Variants in SRCAP observed in about 807,000 individuals in gnomAD.
SRCAP encodes the protein Snf2 related CREBBP activator protein.
In SRCAP, 46 loss-of-function variants were observed where a neutral mutation model predicts 263.1. That is an observed-to-expected ratio of 0.17 (90% CI 0.14 to 0.22). SRCAP has a LOEUF of 0.22. Ranked by LOEUF, SRCAP falls within the 10% of genes least tolerant of loss-of-function variation. SRCAP has a pLI of 1.00. For synonymous variants in SRCAP, 1,813 were observed against 1,662.1 expected (o/e 1.09, Z -2.21); for missense variants, 3,695 against 4,181.9 (o/e 0.88, Z 3.21).
Position 30,739,503 on chromosome 16 carries a change from GGCCGCCT to G in SRCAP, c.9464_9470del (p.Gly3155AspfsTer13), listed in dbSNP as rs765112347. Reference sequence around the variant, plus strand: ...TGGGAGTCCTGGGCTGGCAAAGCGGGGCCGCCTACAGCCCCCAAGTCCCCTGGGGCCT... The same window carrying G: ...TGGGAGTCCTGGGCTGGCAAAGCGGGACAGCCCCCAAGTCCCCTGGGGCCT... On this transcript the variant is annotated frameshift_variant, in exon 34 of 34. Transcript: ENST00000262518. The G allele has an allele frequency of 6.2e-7, 1 of 1,613,390 alleles. No individual in the cohort carries two copies. The highest frequency in any genetic ancestry group is 8.5e-7 in the Non-Finnish European group (1 of 1,179,782).
chr16:30,716,550 T>C (rs1176262384), intron 18 of SRCAP, 71 bp downstream of exon 18: 2 of 1,427,752 alleles, frequency 1.4e-6, no homozygotes, highest in African/African-American at 1.4e-5. Flanking sequence ...CTCTTTTCGT[T>C]AGACTGGGGT....
In SRCAP at chr16:30,707,591, G is replaced by A; in HGVS notation, c.512G>A (p.Arg171Gln). ...CCACAGGTGGTGCGCATGGTGATCC[G>A]GCACCACGAGGAGCAGCGGCAGAAA... ...VARKVVRMVI[R>Q]HHEEQRQKEE... The change falls in exon 6 of 34, where the codon CGG becomes CAG. Residue 171 changes from arginine to glutamine, a missense_variant. Arg to Gln is a conservative substitution (Grantham distance 43, BLOSUM62 1). This residue lies in a region of SRCAP where 107 missense variants were observed against 223.8 expected (regional missense o/e 0.48). Coordinates refer to ENST00000262518, the MANE Select transcript of SRCAP (RefSeq NM_006662.3). The A allele has an allele frequency of 6.2e-7, 1 of 1,613,480 alleles. No individual in the cohort carries two copies. The highest frequency in any genetic ancestry group is 8.5e-7 in the Non-Finnish European group (1 of 1,179,734).
Position 30,704,087 on chromosome 16 carries a change from C to T in SRCAP, c.78C>T (p.Gly26=), listed in dbSNP as rs780722635. The T allele has an allele frequency of 9.3e-6, 15 of 1,613,662 alleles. No individual in the cohort carries two copies. The highest frequency in any genetic ancestry group is 1.2e-5 in the Non-Finnish European group (14 of 1,179,726). ...QTQMVSDGMT[G]SNPVSPASSS... is the part of the protein sequence containing the mutation. ...AGATGGTGTCGGACGGCATGACAGG[C>T]AGCAATCCTGTGTCCCCTGCCTCAT... is the stretch of plus-strand genomic sequence containing the variant. Residue 26 remains glycine (G), a synonymous_variant, in exon 4 of 34, where the codon GGC becomes GGT. Transcript: ENST00000262518.
chr16:30,723,951 G>A lies in SRCAP; in HGVS notation c.4527G>A (p.Leu1509=). The A allele has an allele frequency of 6.8e-6, 11 of 1,614,046 alleles. No homozygotes were observed. The highest frequency in any genetic ancestry group is 8.5e-6 in the Non-Finnish European group (10 of 1,180,018). Residue 1509 remains leucine, a synonymous_variant, in exon 25 of 34, where the codon TTG becomes TTA. Coordinates refer to ENST00000262518, the MANE Select transcript of SRCAP (RefSeq NM_006662.3). ...SPSASALTLG[L]ATAPSLSSSQ... is the part of the protein sequence containing the mutation. Reference sequence around the variant, plus strand: ...CAGCATCAGCCTTGACTCTAGGTTTGGCCACAGCTCCATCCCTGTCTTCAT... The same window carrying A: ...CAGCATCAGCCTTGACTCTAGGTTTAGCCACAGCTCCATCCCTGTCTTCAT...
chr16:30,722,451 C>A, intron 22 of SRCAP, 112 bp from the exon 23 acceptor site: 1 of 1,498,414 alleles, frequency 6.7e-7, no homozygotes, highest in South Asian at 1.3e-5. Context: ...GGGAAGAGGT[C>A]ATTCTAGAGA....
chr16:30,720,750 G>T lies in SRCAP; in HGVS notation c.3025G>T (p.Val1009Leu). The part of the protein sequence containing the change: ...QPVPKQEGRT[V>L]VVVNNPRAPL... ...AGTACCTAAGCAAGAAGGCCGGACA[G>T]TGGTGGTGGTGAACAACCCACGGGC... Residue 1009 changes from valine (V) to leucine (L), a missense_variant, in exon 20 of 34, where the codon GTG becomes TTG. Around this residue, in one of 12 missense-constraint regions of SRCAP, gnomAD observed 1,347 missense variants for 1,304.4 expected, o/e 1.03. Transcript: ENST00000262518. 6.2e-7 allele frequency: 1 copy of T among 1,612,754 alleles called. No homozygotes were observed. Among genetic ancestry groups the T allele is most frequent in the Non-Finnish European group, 8.5e-7 (1 of 1,179,290 alleles).
At chr16:30,729,657 A>G in intron 27 of SRCAP, 85 bp downstream of exon 27, 2 of 1,511,296 alleles carry the variant, frequency 1.3e-6, no homozygotes, top group Non-Finnish European at 1.8e-6. Flanking sequence ...TGCTGCACTT[A>G]AGTTCTCTTG....
chr16:30,707,039 G>A, intron 4 of SRCAP, 144 bp from the exon 5 acceptor site: 1 of 727,406 alleles, frequency 1.4e-6, no homozygotes, highest in African/African-American at 1.8e-5. Flanking sequence ...TCTGAAGAGA[G>A]TATGATACCT....
intron 25 of SRCAP, 97 bp from the exon 26 acceptor site, chr16:30,728,869 T>G: frequency 6.5e-6 from 9 of 1,378,134 alleles, no homozygotes; most frequent in Non-Finnish European, 6.8e-6. Context: ...TTGGATCCCA[T>G]GGTTTCTATA....
chr16:30,710,002 C>T lies in SRCAP; in HGVS notation c.1008C>T (p.Leu336=), dbSNP rs372295102. Residue 336 remains leucine, a synonymous_variant, in exon 8 of 34, where the codon CTC becomes CTT. Coordinates refer to ENST00000262518, the MANE Select transcript of SRCAP (RefSeq NM_006662.3). ...REGELPLEEL[L]RSLPPQLLEG... is the part of the protein sequence containing the mutation. ...GAGAATTGCCACTGGAAGAGCTGCT[C>T]CGTTCCCTTCCCCCTCAGCTGTTGG... The T allele has an allele frequency of 4.9e-5, 79 of 1,614,178 alleles. No homozygotes were observed. The Middle Eastern group carries it at 8.2e-4, about 17-fold the overall frequency.
intron 18 of SRCAP, among the ~76,000 whole-genome samples, chr16:30,718,627 A>G (rs1005499338): frequency 1.2e-4 from 18 of 150,940 alleles, no homozygotes; most frequent in African/African-American, 3.4e-4. Context: ...GTGTGCCACC[A>G]CTCCCAGCTA....
At chr16:30,720,465 G>A (rs1376274868) in intron 19 of SRCAP, 134 bp downstream of exon 19, 5 of 1,136,806 alleles carry the variant, frequency 4.4e-6, no homozygotes, top group South Asian at 1.5e-5. Flanking sequence ...AAACGTGGAG[G>A]GAATCAGGGA....
Position 30,713,255 on chromosome 16 carries a change from G to A in SRCAP, c.2178G>A (p.Lys726=). 6.2e-7 allele frequency: 1 copy of A among 1,614,070 alleles called. No individual in the cohort carries two copies. Among genetic ancestry groups the A allele is most frequent in the Admixed American group, 1.7e-5 (1 of 60,012 alleles). The change falls in exon 15 of 34, where the codon AAG becomes AAA. Residue 726 remains lysine (K), a synonymous_variant. Coordinates refer to ENST00000262518, the MANE Select transcript of SRCAP (RefSeq NM_006662.3). ...TTCATGTGTGTATCACATCTTACAA[G>A]CTGGTGCTGCAGGACCACCAGGCCT... is the stretch of plus-strand genomic sequence containing the variant. ...NAFHVCITSY[K]LVLQDHQAFR...
chr16:30,738,099 C>G lies in SRCAP; in HGVS notation c.8059C>G (p.Pro2687Ala), dbSNP rs201748914. 29 of 1,614,032 alleles carry G rather than the reference C, an allele frequency of 1.8e-5. No homozygotes were observed. The highest frequency in any genetic ancestry group is 2.4e-5 in the Non-Finnish European group (28 of 1,180,046). The change falls in exon 34 of 34, where the codon CCA becomes GCA. Residue 2687 changes from proline (P) to alanine (A), a missense_variant. Pro to Ala is a conservative substitution (Grantham distance 27). Coordinates refer to ENST00000262518, the MANE Select transcript of SRCAP (RefSeq NM_006662.3). ...AGAGGCCAAGACCCCAACCTCCAGC[C>G]CAGAGAAGCCACAGGAACTCGTTAC... is the stretch of plus-strand genomic sequence containing the variant. Reference protein sequence around the residue: ...LTEAKTPTSSPEKPQELVTAE... With the variant: ...LTEAKTPTSSAEKPQELVTAE...
chr16:30,721,116 T>C, intron 20 of SRCAP, 73 bp from the exon 21 acceptor site: 2 of 1,543,230 alleles, frequency 1.3e-6, no homozygotes, highest in Non-Finnish European at 1.7e-6. Flanking sequence ...TGGAAGGGAG[T>C]ATGGAGGCTT....
chr16:30,733,947 A>G lies in SRCAP; in HGVS notation c.6548A>G (p.Lys2183Arg). 6.2e-6 allele frequency: 10 copies of G among 1,613,906 alleles called. No individual in the cohort carries two copies. The highest frequency in any genetic ancestry group is 7.6e-6 in the Non-Finnish European group (9 of 1,179,892). Reference sequence around the variant, plus strand: ...AACATCCTAAAAAAGGCAAATCAGAAGAGAATGTTGGGGGACATGGCCATT... The same window carrying G: ...AACATCCTAAAAAAGGCAAATCAGAGGAGAATGTTGGGGGACATGGCCATT... The part of the protein sequence containing the change: ...EENILKKANQ[K>R]RMLGDMAIEG... The change falls in exon 30 of 34, where the codon AAG becomes AGG. Residue 2183 changes from lysine (K) to arginine (R), a missense_variant. By Grantham distance (26) the Lys-to-Arg change is conservative. Transcript: ENST00000262518. This position sits in a 1 kb window ranked among gnomAD's most constrained non-coding sequence, Gnocchi z 5.3.
At chr16:30,703,629 G>T (rs2052793676) in intron 3 of SRCAP, among the ~76,000 whole-genome samples, 1 of 151,458 alleles carries the variant, frequency 6.6e-6, no homozygotes, top group Admixed American at 6.6e-5. Context: ...GGGCGTGGTG[G>T]CTCACGCCTG....
intron 3 of SRCAP, 111 bp downstream of exon 3, chr16:30,700,989 G>C: frequency 9.2e-7 from 1 of 1,087,714 alleles, no homozygotes; most frequent in African/African-American, 1.5e-5. Flanking sequence ...AGAATCTTTG[G>C]TGCTCGGGGG....
chr16:30,700,776 CA>C lies in SRCAP; in HGVS notation c.-47del, dbSNP rs2052757045. The C allele has an allele frequency of 1.9e-6, 3 of 1,573,098 alleles. No homozygotes were observed. The highest frequency in any genetic ancestry group is 2.6e-6 in the Non-Finnish European group (3 of 1,143,980). On this transcript the variant is annotated 5_prime_UTR_variant, in exon 3 of 34. Coordinates refer to ENST00000262518, the MANE Select transcript of SRCAP (RefSeq NM_006662.3). The stretch of plus-strand genomic sequence containing the variant: ...CCTCGGCCAGCAGTACTGGTGATAA[CA>C]ACCCAGTCATTCTTCAGGCATCCAA...
Sources: gnomAD v4.1 joint callset for allele counts (sites outside exome capture counted in the v4.1 genomes callset) on GRCh38, gnomAD v4.1.1 for gene constraint, gnomAD v4.1.1 regional missense constraint, Gnocchi (gnomAD v3.1) non-coding constraint, MANE v1.5 for transcripts, NCBI Gene and HGNC (gene_info 2026-07-23, HGNC 2026-07-21) for gene names.